PCDHGA2: variants seen among roughly 807,000 people sequenced by gnomAD.
PCDHGA2 encodes protocadherin gamma-A2.
PCDHGA2 carries 40 observed loss-of-function variants against 59.2 expected under a neutral mutation model. That is an observed-to-expected ratio of 0.68 (90% CI 0.52 to 0.88). The LOEUF is 0.88. Among genes scored for constraint, PCDHGA2 ranks in the 40% least tolerant of loss-of-function variants. PCDHGA2 has a pLI of 0.00. For missense variants in PCDHGA2, 1,226 were observed against 1,204.0 expected (o/e 1.02, Z -0.27); for synonymous variants, 560 against 526.0 (o/e 1.06, Z -0.89).
intron 1 of PCDHGA2, among the ~76,000 whole-genome samples, chr5:141,444,714 CTTGGTGCCT>C (rs2098445168): frequency 6.6e-6 from 1 of 152,122 alleles, no homozygotes; most frequent in Non-Finnish European, 1.5e-5. Context: ...GTTGAATTTG[CTTGGTGCCT>C]TTGTTGAAAG....
intron 1 of PCDHGA2, chr5:141,400,377 A>G: frequency 1.2e-6 from 2 of 1,613,892 alleles, no homozygotes; most frequent in Non-Finnish European, 1.7e-6. Flanking sequence ...CCTACAACCT[A>G]TGTGTTGCAC....
chr5:141,384,543 G>A (rs767368247), intron 1 of PCDHGA2: 4 of 1,614,256 alleles, frequency 2.5e-6, no homozygotes, highest in South Asian at 1.1e-5. Context: ...ACATGTCACT[G>A]AGCCTGTTCG....
At chr5:141,419,051 T>A (rs1007349455) in intron 1 of PCDHGA2, 6 of 1,613,950 alleles carry the variant, frequency 3.7e-6, no homozygotes, top group East Asian at 2.2e-5. Context: ...TCATTCTTCT[T>A]CTAATAATTA....
At chr5:141,361,631 G>A in intron 1 of PCDHGA2, 1 of 1,613,902 alleles carries the variant, frequency 6.2e-7, no homozygotes, top group Non-Finnish European at 8.5e-7. Context: ...CTGAAGCCGC[G>A]GGAGATTTTA....
At chr5:141,435,875 T>C (rs1324511823) in intron 1 of PCDHGA2, among the ~76,000 whole-genome samples, 1 of 152,100 alleles carries the variant, frequency 6.6e-6, no homozygotes, top group African/African-American at 2.4e-5. Flanking sequence ...AGAAAAGAGA[T>C]TGGAAACCCC....
chr5:141,350,911 G>A (rs768032628), intron 1 of PCDHGA2: 20 of 1,613,942 alleles, frequency 1.2e-5, no homozygotes, highest in Non-Finnish European at 1.6e-5. Context: ...GCGGGGACCC[G>A]CCTCTAAGCG....
chr5:141,490,402 G>A lies in PCDHGA2; in HGVS notation c.2425-4405G>A. On this transcript the variant is annotated intron_variant, in intron 1 of 3. Coordinates refer to ENST00000394576, the MANE Select transcript of PCDHGA2 (RefSeq NM_018915.4). This position sits in a 1 kb window ranked among gnomAD's most constrained non-coding sequence, Gnocchi z 5.4. The stretch of plus-strand genomic sequence containing the variant: ...AGGTAGAAATGGTGAAGTGAGCCTT[G>A]ATATCTCTCCGGACCTGCCATTTCA... 6.2e-7 allele frequency: 1 copy of A among 1,614,182 alleles called. No homozygotes were observed. The highest frequency in any genetic ancestry group is 8.5e-7 in the Non-Finnish European group (1 of 1,180,024).
At position 141,491,700 on chromosome 5, in the gene PCDHGA2, G is replaced by A. The variant is rs1199177466; in HGVS notation, c.2425-3107G>A. 3.1e-6 allele frequency: 5 copies of A among 1,611,830 alleles called. No homozygotes were observed. The highest frequency in any genetic ancestry group is 4.2e-6 in the Non-Finnish European group (5 of 1,179,142). On this transcript the variant is annotated intron_variant, in intron 1 of 3. Coordinates refer to ENST00000394576, the MANE Select transcript of PCDHGA2 (RefSeq NM_018915.4). The surrounding 1 kb of genome is among the most constrained non-coding windows in gnomAD (Gnocchi z 6.9). ...CTAATACGCTGCGGGAGCGGAGCCA[G>A]GTGAGGGGCTCGGCGCCGCCCCGGG...
chr5:141,442,720 T>C (rs941034636), intron 1 of PCDHGA2, among the ~76,000 whole-genome samples: 1 of 152,202 alleles, frequency 6.6e-6, no homozygotes, highest in Non-Finnish European at 1.5e-5. Flanking sequence ...GCCAGAGCAT[T>C]TGGGGCCTGT....
chr5:141,369,146 G>A (rs1450558377), intron 1 of PCDHGA2, among the ~76,000 whole-genome samples: 4 of 152,168 alleles, frequency 2.6e-5, no homozygotes, highest in African/African-American at 7.2e-5. Context: ...AAAATGGCAT[G>A]TTATTGACCA....
At chr5:141,356,556 C>T (rs757470408) in intron 1 of PCDHGA2, 1 of 1,614,036 alleles carries the variant, frequency 6.2e-7, no homozygotes, top group African/African-American at 1.3e-5. Flanking sequence ...CACCCACTTT[C>T]CCTCATGCTT....
chr5:141,491,322 C>T lies in PCDHGA2; in HGVS notation c.2425-3485C>T. 6.2e-7 allele frequency: 1 copy of T among 1,614,156 alleles called. No individual in the cohort carries two copies. Among genetic ancestry groups the T allele is most frequent in the East Asian group, 2.2e-5 (1 of 44,860 alleles). On this transcript the variant is annotated intron_variant, in intron 1 of 3. Coordinates refer to ENST00000394576, the MANE Select transcript of PCDHGA2 (RefSeq NM_018915.4). This position sits in a 1 kb window ranked among gnomAD's most constrained non-coding sequence, Gnocchi z 6.9. ...AGCGTTCAGACCTTACCCTTTACCT[C>T]ATTGTGGCTCTAGCGACCGTCAGTC...
At chr5:141,481,913 C>CAAAAA (rs34114744) in intron 1 of PCDHGA2, among the ~76,000 whole-genome samples, 2 of 90,852 alleles carry the variant, frequency 2.2e-5, no homozygotes, top group Non-Finnish European at 4.4e-5. Flanking sequence ...AACTCCATCT[C>CAAAAA]AAAAAAAAAA....
intron 1 of PCDHGA2, chr5:141,413,350 G>A: frequency 6.2e-7 from 1 of 1,613,974 alleles, no homozygotes; most frequent in Non-Finnish European, 8.5e-7. Context: ...CTTGGGTCTG[G>A]CGCCCCGGGA....
chr5:141,433,883 G>A (rs1051019240), intron 1 of PCDHGA2, among the ~76,000 whole-genome samples: 1 of 149,932 alleles, frequency 6.7e-6, no homozygotes, highest in Non-Finnish European at 1.5e-5. Flanking sequence ...ATCCATTGAT[G>A]ACACTTGCTT....
In PCDHGA2 at chr5:141,340,295, G is replaced by T. The variant is rs751254595; in HGVS notation, c.1324G>T (p.Val442Leu). 1 of 1,614,132 alleles carries T rather than the reference G, an allele frequency of 6.2e-7. No homozygotes were observed. Among genetic ancestry groups the T allele is most frequent in the Non-Finnish European group, 8.5e-7 (1 of 1,180,036 alleles). ...CACGGATGCTCACATTTTGCTCCAG[G>T]TGGCAGACATCAACGACAACGCACC... is the stretch of plus-strand genomic sequence containing the variant. ...LSTDAHILLQ[V>L]ADINDNAPAF... Residue 442 changes from valine to leucine, a missense_variant, in exon 1 of 4, where the codon GTG becomes TTG. Val to Leu is a conservative substitution (Grantham distance 32). Transcript: ENST00000394576.
intron 1 of PCDHGA2, chr5:141,424,694 T>C (rs2096834568): frequency 6.6e-6 from 1 of 152,252 alleles, no homozygotes; most frequent in East Asian, 1.9e-4. Flanking sequence ...TCTGGCTATT[T>C]TTTTGTTCAT....
Position 141,486,682 on chromosome 5 carries a change from A to C in PCDHGA2, c.2425-8125A>C, listed in dbSNP as rs781547951. 1.4e-5 allele frequency: 22 copies of C among 1,614,064 alleles called. No individual in the cohort carries two copies. The African/African-American group carries it at 2.3e-4, about 17-fold the overall frequency. ...TGGAGCCCAGGAATCGAGATGTATC[A>C]GCTTCCTCTTTCATCTCTCTGAACC... On this transcript the variant is annotated intron_variant, in intron 1 of 3. Coordinates refer to ENST00000394576, the MANE Select transcript of PCDHGA2 (RefSeq NM_018915.4). The surrounding 1 kb of genome is among the most constrained non-coding windows in gnomAD (Gnocchi z 5.0).
intron 1 of PCDHGA2, chr5:141,342,966 C>G (rs1757233380): frequency 6.6e-6 from 1 of 152,230 alleles, no homozygotes; most frequent in Non-Finnish European, 1.5e-5. Context: ...ATGCTGTTCT[C>G]TCCCACATCC....
Sources: gnomAD v4.1 joint callset for allele counts (sites outside exome capture counted in the v4.1 genomes callset) on GRCh38, gnomAD v4.1.1 for gene constraint, Gnocchi (gnomAD v3.1) non-coding constraint, MANE v1.5 for transcripts, NCBI Gene and HGNC (gene_info 2026-07-23, HGNC 2026-07-21) for gene names.